The following F5 variants were observed in gnomAD, a reference collection of about 807,000 sequenced individuals.
F5 encodes coagulation factor V.
Under a neutral mutation model 216.4 loss-of-function variants are expected in F5, and 138 were observed. The observed-to-expected ratio is 0.64, with a 90% CI of 0.56 to 0.73. F5 has a LOEUF of 0.73. F5 is among the 30% of genes least tolerant of loss of function. The pLI, the probability that F5 is intolerant of heterozygous loss-of-function variation, is 0.00. For missense variants in F5, 2,403 were observed against 2,674.0 expected (o/e 0.90, Z 2.24); for synonymous variants, 916 against 930.7 (o/e 0.98, Z 0.29).
rs141565067 is a variant in F5, at chr1:169,531,530, A to G, written c.4972-508T>C. The stretch of plus-strand genomic sequence containing the variant: ...CTTAGAGGAAATGGAATTGGCCATC[A>G]TAGAATGAACAGGAGCTAGAAAGAC... On this transcript the variant is annotated intron_variant, in intron 14 of 24. Transcript: ENST00000367797. 4.5e-3 allele frequency among the ~76,000 whole-genome samples: 690 copies of G among 152,316 alleles called. 7 individuals are homozygous for G. Among genetic ancestry groups the G allele is most frequent in the African/African-American group, 0.016 (659 of 41,582 alleles).
intron 3 of F5, among the ~76,000 whole-genome samples, chr1:169,568,138 T>C (rs562934282): frequency 4.1e-4 from 63 of 152,254 alleles, no homozygotes; most frequent in African/African-American, 1.5e-3. Context: ...AATGTCTGTC[T>C]AATTGATCAA....
chr1:169,546,669 T>C, intron 10 of F5, 77 bp from the exon 11 acceptor site: 1 of 1,311,948 alleles, frequency 7.6e-7, no homozygotes, highest in Non-Finnish European at 1.1e-6. Flanking sequence ...AACTCAGAAA[T>C]AAGGCTGCGC....
chr1:169,519,124 A>T (rs1322676839), intron 22 of F5, among the ~76,000 whole-genome samples: 1 of 152,156 alleles, frequency 6.6e-6, no homozygotes, highest in African/African-American at 2.4e-5. Context: ...CAGACCTGTG[A>T]CTGTAAGAAA....
In F5 at chr1:169,556,869, T is replaced by C; in HGVS notation, c.731-2A>G. 6.2e-7 allele frequency: 1 copy of C among 1,613,116 alleles called. No individual in the cohort carries two copies. The highest frequency in any genetic ancestry group is 1.7e-5 in the Admixed American group (1 of 59,982). ...GGTCATGGGCACAAACTGTTATATCTGAGAAAGAGGGAGAGACACAGGCCA... is the reference window on the plus strand; with the variant it reads ...GGTCATGGGCACAAACTGTTATATCCGAGAAAGAGGGAGAGACACAGGCCA... On this transcript the variant is annotated splice_acceptor_variant, in intron 5 of 24. Transcript: ENST00000367797. LOFTEE classifies it high-confidence loss of function.
At chr1:169,535,104 A>G (rs147264591) in intron 14 of F5, among the ~76,000 whole-genome samples, 8 of 152,316 alleles carry the variant, frequency 5.3e-5, no homozygotes, top group African/African-American at 1.4e-4. Context: ...GATGGGATCA[A>G]TCATACCCTA....
chr1:169,557,237 G>T (rs1660353783), intron 5 of F5, among the ~76,000 whole-genome samples: 1 of 152,142 alleles, frequency 6.6e-6, no homozygotes, highest in South Asian at 2.1e-4. Context: ...TATTAGAACT[G>T]GTAAAAAGTC....
At chr1:169,570,291 G>T (rs1211130440) in intron 3 of F5, among the ~76,000 whole-genome samples, 1 of 152,088 alleles carries the variant, frequency 6.6e-6, no homozygotes, top group Non-Finnish European at 1.5e-5. Context: ...CCCAGGTAGG[G>T]TCCAAAGTCT....
At chr1:169,515,688 A>G in intron 23 of F5, 62 bp from the exon 24 acceptor site, 2 of 1,540,548 alleles carry the variant, frequency 1.3e-6, no homozygotes, top group Non-Finnish European at 1.8e-6. Flanking sequence ...TTTTTTTTAG[A>G]CCAAGTTATG....
chr1:169,550,063 A>G (rs1167347603), intron 9 of F5, 48 bp from the exon 10 acceptor site: 3 of 1,370,192 alleles, frequency 2.2e-6, no homozygotes, highest in South Asian at 2.3e-5. Flanking sequence ...AAGTTATTTC[A>G]TGATAATAAA....
Position 169,520,531 on chromosome 1 carries a change from C to A in F5, c.6182G>T (p.Cys2061Phe), listed in dbSNP as rs750944413. Residue 2061 changes from cysteine (C) to phenylalanine (F), a missense_variant, in exon 22 of 25, where the codon TGT becomes TTT. Around this residue, in one of 4 missense-constraint regions of F5, gnomAD observed 659 missense variants for 787.9 expected, o/e 0.84. Coordinates refer to ENST00000367797, the MANE Select transcript of F5 (RefSeq NM_000130.5). Reference sequence around the variant, plus strand: ...TCTTTGTACCTTACCATTTACCTCACAACCTTGCAGTTCCAATCGAAGGGT... The same window carrying A: ...TCTTTGTACCTTACCATTTACCTCAAAACCTTGCAGTTCCAATCGAAGGGT... ...RPTLRLELQG[C>F]EVNGCSTPLG... The A allele has an allele frequency of 6.2e-7, 1 of 1,613,892 alleles. No individual in the cohort carries two copies. Among genetic ancestry groups the A allele is most frequent in the Admixed American group, 1.7e-5 (1 of 59,998 alleles).
At chr1:169,527,542 A>G (rs1659487549) in intron 17 of F5, among the ~76,000 whole-genome samples, 2 of 152,192 alleles carry the variant, frequency 1.3e-5, no homozygotes, top group African/African-American at 4.8e-5. Context: ...GAAGAGGAGC[A>G]GAACTGAAGA....
chr1:169,572,949 TTTC>T (rs201926894), intron 2 of F5, among the ~76,000 whole-genome samples: 35,683 of 146,212 alleles, frequency 0.24, 4,824 homozygotes, highest in South Asian at 0.36. Context: ...CTGGAGCATT[TTTC>T]TTTTTTTTTT....
intron 17 of F5, among the ~76,000 whole-genome samples, chr1:169,526,410 A>G (rs544507016): frequency 6.6e-6 from 1 of 152,186 alleles, no homozygotes; most frequent in South Asian, 2.1e-4. Flanking sequence ...TCTTTTTTAT[A>G]TAAGAAAATA....
chr1:169,537,874 G>C (rs1237847454), intron 13 of F5, among the ~76,000 whole-genome samples: 3 of 152,106 alleles, frequency 2.0e-5, no homozygotes. Flanking sequence ...TATACTCTTG[G>C]TGAGAGTGTA....
intron 3 of F5, among the ~76,000 whole-genome samples, chr1:169,569,371 A>G (rs1174680549): frequency 6.6e-6 from 1 of 152,140 alleles, no homozygotes; most frequent in Non-Finnish European, 1.5e-5. Context: ...ATTTTGTGAC[A>G]TCACATTCAT....
chr1:169,546,179 G>C (rs1024073247), intron 11 of F5, among the ~76,000 whole-genome samples: 1 of 122,104 alleles, frequency 8.2e-6, no homozygotes, highest in East Asian at 2.1e-4. Flanking sequence ...GTATGTCTGT[G>C]TACACACACA....
intron 9 of F5, 56 bp from the exon 10 acceptor site, chr1:169,550,071 A>G: frequency 7.7e-7 from 1 of 1,302,168 alleles, no homozygotes; most frequent in Non-Finnish European, 1.1e-6. Context: ...TCATGATAAT[A>G]AATAAATAAA....
At chr1:169,545,644 T>A (rs1041219090) in intron 11 of F5, among the ~76,000 whole-genome samples, 3 of 152,238 alleles carry the variant, frequency 2.0e-5, no homozygotes, top group Non-Finnish European at 4.4e-5. Flanking sequence ...ATTTTCTGTT[T>A]GAATTATTTG....
At chr1:169,526,778 T>C (rs560947295) in intron 17 of F5, among the ~76,000 whole-genome samples, 14 of 152,234 alleles carry the variant, frequency 9.2e-5, no homozygotes, top group African/African-American at 3.1e-4. Flanking sequence ...ATAGGAAGGA[T>C]GACTGATCTT....
Sources: allele counts gnomAD v4.1 joint callset (sites outside exome capture counted in the v4.1 genomes callset), GRCh38; gene constraint gnomAD v4.1.1; regional missense constraint gnomAD v4.1.1; transcripts MANE v1.5; gene names NCBI Gene and HGNC (gene_info 2026-07-23, HGNC 2026-07-21).